JARID2: variants seen among roughly 807,000 people sequenced by gnomAD.
JARID2 encodes the protein protein Jumonji.
Under a neutral mutation model 125.6 loss-of-function variants are expected in JARID2, and 21 were observed. That is an observed-to-expected ratio of 0.17 (90% CI 0.12 to 0.24). JARID2 has a LOEUF of 0.24. JARID2 is among the 10% of genes least tolerant of loss of function. The pLI is 1.00. For missense variants in JARID2, 1,303 were observed against 1,639.6 expected (o/e 0.79, Z 3.55); for synonymous variants, 736 against 661.6 (o/e 1.11, Z -1.73).
chr6:15,385,234 C>T (rs1378946153), intron 2 of JARID2, among the ~76,000 whole-genome samples: 1 of 152,156 alleles, frequency 6.6e-6, no homozygotes, highest in Non-Finnish European at 1.5e-5. Flanking sequence ...GCTGATCCTT[C>T]TATTGAGAAT....
chr6:15,347,907 A>G (rs1212022229), intron 1 of JARID2, among the ~76,000 whole-genome samples: 1 of 152,068 alleles, frequency 6.6e-6, no homozygotes, highest in Non-Finnish European at 1.5e-5. Flanking sequence ...GCATGCCACC[A>G]TGCCCAGTTG....
intron 1 of JARID2, among the ~76,000 whole-genome samples, chr6:15,335,181 C>A (rs1330887754): frequency 2.6e-5 from 4 of 152,120 alleles, no homozygotes; most frequent in African/African-American, 4.8e-5. Flanking sequence ...CTCACTGCAA[C>A]CTCCGTCTCG....
intron 2 of JARID2, among the ~76,000 whole-genome samples, chr6:15,399,288 G>A (rs953088509): frequency 6.6e-6 from 1 of 152,098 alleles, no homozygotes; most frequent in Admixed American, 6.6e-5. Context: ...CTGGGTTCTC[G>A]GATAGCCTCC....
chr6:15,441,357 T>C (rs562359613), intron 3 of JARID2, among the ~76,000 whole-genome samples: 12 of 152,322 alleles, frequency 7.9e-5, no homozygotes, highest in East Asian at 3.9e-4. Context: ...GTCCTAAAAA[T>C]TGGCTAATAC....
rs1302508789 is a variant in JARID2, at chr6:15,310,567, GTT to G, written c.46-63548_46-63547del. ...GCCTTGGCCTCCCCTCTTCTCCCCT[GTT>G]TCTGGGTCATGCTCCCCTCTGGATT... On this transcript the variant is annotated intron_variant, in intron 1 of 17. Coordinates refer to ENST00000341776, the MANE Select transcript of JARID2 (RefSeq NM_004973.4). Among the ~76,000 whole-genome samples the G allele has an allele frequency of 2.6e-5, 4 of 151,628 alleles. No individual in the cohort carries two copies. The East Asian group carries it at 7.7e-4, about 29-fold the overall frequency.
chr6:15,391,280 CAGT>C (rs1764992346), intron 2 of JARID2, among the ~76,000 whole-genome samples: 1 of 152,142 alleles, frequency 6.6e-6, no homozygotes, highest in African/African-American at 2.4e-5. Flanking sequence ...AAGGCATCCT[CAGT>C]GGTGTTGGTG....
chr6:15,307,513 G>T (rs1761874261), intron 1 of JARID2, among the ~76,000 whole-genome samples: 1 of 152,044 alleles, frequency 6.6e-6, no homozygotes, highest in African/African-American at 2.4e-5. Context: ...TCCCAGTTTT[G>T]TTTTGTTTTT....
intron 4 of JARID2, among the ~76,000 whole-genome samples, chr6:15,459,527 C>T (rs573802913): frequency 6.6e-6 from 1 of 152,250 alleles, no homozygotes; most frequent in South Asian, 2.1e-4. Context: ...GCAGAAGTGT[C>T]TGATACAGAG....
intron 2 of JARID2, among the ~76,000 whole-genome samples, chr6:15,390,161 C>G (rs1287205794): frequency 3.3e-5 from 5 of 152,106 alleles, no homozygotes; most frequent in Admixed American, 3.3e-4. Context: ...TTGATTTATT[C>G]TCATATTTGT....
At chr6:15,320,304 G>A (rs1397334080) in intron 1 of JARID2, among the ~76,000 whole-genome samples, 1 of 152,218 alleles carries the variant, frequency 6.6e-6, no homozygotes, top group Non-Finnish European at 1.5e-5. Context: ...GGTAATTCAA[G>A]TTAGGTTAAC....
chr6:15,352,833 C>T (rs1390397671), intron 1 of JARID2, among the ~76,000 whole-genome samples: 1 of 152,148 alleles, frequency 6.6e-6, no homozygotes, highest in African/African-American at 2.4e-5. Context: ...CATAGCATAG[C>T]GCCACGAGGT....
intron 3 of JARID2, among the ~76,000 whole-genome samples, chr6:15,435,893 C>G (rs1469923150): frequency 2.6e-5 from 4 of 151,682 alleles, no homozygotes; most frequent in African/African-American, 9.7e-5. Flanking sequence ...GCAGAAAACA[C>G]AGAAAAGCTT....
At position 15,500,883 on chromosome 6, in the gene JARID2, T is replaced by C. The variant is rs766327146; in HGVS notation, c.1946-24T>C. ...CGTGTCTCTTTCACTAACTGTCCCG[T>C]TTTTTTCCCCTTCGCTGTCCCAGGG... is the stretch of plus-strand genomic sequence containing the variant. On this transcript the variant is annotated intron_variant, in intron 7 of 17. Coordinates refer to ENST00000341776, the MANE Select transcript of JARID2 (RefSeq NM_004973.4). 2.6e-6 allele frequency: 4 copies of C among 1,564,846 alleles called. No homozygotes were observed. The Admixed American group carries it at 7.4e-5, about 29-fold the overall frequency.
intron 5 of JARID2, among the ~76,000 whole-genome samples, chr6:15,472,505 C>A (rs917629323): frequency 6.6e-6 from 1 of 152,132 alleles, no homozygotes; most frequent in African/African-American, 2.4e-5. Context: ...ATTAGGCCTG[C>A]CCCCAACCTC....
At chr6:15,299,033 G>C (rs1223882825) in intron 1 of JARID2, among the ~76,000 whole-genome samples, 2 of 151,386 alleles carry the variant, frequency 1.3e-5, no homozygotes. Flanking sequence ...AGGATGCTTT[G>C]GTGGTGAAAT....
At chr6:15,283,465 C>G (rs865850289) in intron 1 of JARID2, among the ~76,000 whole-genome samples, 2 of 137,342 alleles carry the variant, frequency 1.5e-5, no homozygotes, top group East Asian at 2.2e-4. Flanking sequence ...CTCAGCCTCC[C>G]GAGTAGCTGG....
At chr6:15,494,900 G>GT (rs1051911423) in intron 6 of JARID2, among the ~76,000 whole-genome samples, 18 of 152,220 alleles carry the variant, frequency 1.2e-4, no homozygotes, top group African/African-American at 4.1e-4. Context: ...TGACCAGGAA[G>GT]TGCAGGCTCC....
chr6:15,445,341 A>G (rs985501358), intron 3 of JARID2, among the ~76,000 whole-genome samples: 4 of 152,224 alleles, frequency 2.6e-5, no homozygotes, highest in African/African-American at 4.8e-5. Context: ...TAACTTTCCA[A>G]ATAATGTTAG....
In JARID2 at chr6:15,252,555, A is replaced by G. The variant is rs115648648; in HGVS notation, c.45+5971A>G. Among the ~76,000 whole-genome samples the G allele has an allele frequency of 4.0e-3, 603 of 152,344 alleles. 5 individuals are homozygous for G. The highest frequency in any genetic ancestry group is 0.014 in the African/African-American group (572 of 41,580). On this transcript the variant is annotated intron_variant, in intron 1 of 17. Transcript: ENST00000341776. ...ATAATTGTGCCATTTACTGAGTGGC[A>G]GGGAGCAGAAAGATTAGTAATTTTG...
Sources: allele counts gnomAD v4.1 joint callset (sites outside exome capture counted in the v4.1 genomes callset), GRCh38; gene constraint gnomAD v4.1.1; transcripts MANE v1.5; gene names NCBI Gene and HGNC (gene_info 2026-07-23, HGNC 2026-07-21).